TUSC3: variants seen among roughly 807,000 people sequenced by gnomAD.
The protein encoded by TUSC3 is dolichyl-diphosphooligosaccharide--protein glycosyltransferase subunit TUSC3.
In TUSC3, 45 loss-of-function variants were observed where a neutral mutation model predicts 44.8. That is an observed-to-expected ratio of 1.00 (90% CI 0.79 to 1.29). The LOEUF is 1.29. Ranked by LOEUF, TUSC3 falls within the 50% of genes most tolerant of loss-of-function variation. The pLI is 0.00. For missense variants in TUSC3, 519 were observed against 437.9 expected, an observed-to-expected ratio of 1.19 and a Z score of -1.65; for synonymous variants, 212 against 152.9, an observed-to-expected ratio of 1.39 and a Z score of -2.85.
intron 1 of TUSC3, among the ~76,000 whole-genome samples, chr8:15,437,954 G>A (rs750637593): frequency 3.3e-5 from 5 of 152,186 alleles, no homozygotes; most frequent in Admixed American, 6.5e-5. Flanking sequence ...GAAGCAGGCA[G>A]AATAAAAGCT....
the TUSC3 span, among the ~76,000 whole-genome samples, chr8:15,774,229 A>G: frequency 7.4e-6 from 1 of 135,898 alleles, no homozygotes; most frequent in Non-Finnish European, 1.7e-5. Flanking sequence ...TTAAGCGTCA[A>G]ATTTTGTCTC....
the TUSC3 span, among the ~76,000 whole-genome samples, chr8:15,774,891 T>G: frequency 2.6e-5 from 4 of 152,064 alleles, no homozygotes; most frequent in Non-Finnish European, 4.4e-5. Flanking sequence ...TTAAAATGAA[T>G]TGGCCACTTT....
At chr8:15,478,259 C>G (rs1345128979) in intron 1 of TUSC3, among the ~76,000 whole-genome samples, 21 of 152,044 alleles carry the variant, frequency 1.4e-4, no homozygotes, top group Admixed American at 1.4e-3. Context: ...AGTTACCATG[C>G]CTGGCCTTTT....
At chr8:15,474,725 C>CA (rs1563260721) in intron 1 of TUSC3, among the ~76,000 whole-genome samples, 1 of 151,962 alleles carries the variant, frequency 6.6e-6, no homozygotes. Context: ...TTTGAATGTC[C>CA]AAAGAAATAA....
the TUSC3 span, among the ~76,000 whole-genome samples, chr8:15,842,474 G>C: frequency 8.5e-5 from 13 of 152,154 alleles, no homozygotes; most frequent in African/African-American, 2.7e-4. Context: ...TATCCTGACA[G>C]TTAACAAAGG....
At chr8:15,780,475 G>C in the TUSC3 span, among the ~76,000 whole-genome samples, 1 of 152,134 alleles carries the variant, frequency 6.6e-6, no homozygotes, top group African/African-American at 2.4e-5. Flanking sequence ...GTTTTGTATG[G>C]ACACACAAAC....
chr8:15,505,063 G>A (rs1801034984), intron 2 of TUSC3, among the ~76,000 whole-genome samples: 1 of 152,082 alleles, frequency 6.6e-6, no homozygotes, highest in South Asian at 2.1e-4. Context: ...CAAATGGCAG[G>A]AATCTAGAAA....
chr8:15,776,735 G>A, the TUSC3 span, among the ~76,000 whole-genome samples: 1 of 151,960 alleles, frequency 6.6e-6, no homozygotes, highest in Non-Finnish European at 1.5e-5. Flanking sequence ...ATTACCAATT[G>A]TGCTATATTC....
chr8:15,668,804 A>G (rs1807798074), intron 5 of TUSC3, among the ~76,000 whole-genome samples: 1 of 151,802 alleles, frequency 6.6e-6, no homozygotes, highest in South Asian at 2.1e-4. Context: ...CAGAGTTCAA[A>G]AAGAACCATT....
intron 1 of TUSC3, among the ~76,000 whole-genome samples, chr8:15,603,339 A>T (rs574289541): frequency 6.6e-6 from 1 of 151,794 alleles, no homozygotes; most frequent in Non-Finnish European, 1.5e-5. Context: ...CATCCTGGCA[A>T]CAGAATGCAA....
At chr8:15,688,242 C>T (rs975137811) in intron 6 of TUSC3, among the ~76,000 whole-genome samples, 3 of 151,986 alleles carry the variant, frequency 2.0e-5, no homozygotes, top group African/African-American at 7.3e-5. Context: ...TTGAAAAAAG[C>T]GTTTCTCATT....
chr8:15,655,334 G>C (rs10096635), intron 3 of TUSC3, among the ~76,000 whole-genome samples: 4,885 of 152,186 alleles, frequency 0.032, 221 homozygotes, highest in African/African-American at 0.11. Context: ...CTTCCTCGCG[G>C]AACACTCCAC....
At chr8:15,535,197 T>C (rs2129131137) in intron 2 of TUSC3, among the ~76,000 whole-genome samples, 1 of 152,362 alleles carries the variant, frequency 6.6e-6, no homozygotes, top group Admixed American at 6.5e-5. Context: ...AAATTAATTC[T>C]TGTAAAACCA....
chr8:15,442,793 C>G (rs1800038045), intron 1 of TUSC3, among the ~76,000 whole-genome samples: 1 of 152,112 alleles, frequency 6.6e-6, no homozygotes, highest in Admixed American at 6.5e-5. Context: ...TTTAGTCAGG[C>G]TCCTCTGAGT....
intron 4 of TUSC3, among the ~76,000 whole-genome samples, chr8:15,660,823 A>T (rs1807389941): frequency 6.6e-6 from 1 of 151,654 alleles, no homozygotes; most frequent in East Asian, 1.9e-4. Context: ...GTTTCCTTAT[A>T]AGAAATACTA....
At chr8:15,807,192 C>T in the TUSC3 span, 11 of 741,466 alleles carry the variant, frequency 1.5e-5, no homozygotes, top group Non-Finnish European at 2.5e-5. Context: ...AATACGTCAA[C>T]CTTGCATGCT....
At chr8:15,422,239 T>C (rs972844060) in intron 1 of TUSC3, among the ~76,000 whole-genome samples, 1 of 152,238 alleles carries the variant, frequency 6.6e-6, no homozygotes, top group Non-Finnish European at 1.5e-5. Flanking sequence ...GTTTATGATA[T>C]GAAGTAGTAA....
At chr8:15,615,671 A>C (rs1230246021) in intron 1 of TUSC3, among the ~76,000 whole-genome samples, 3 of 152,224 alleles carry the variant, frequency 2.0e-5, no homozygotes, top group Non-Finnish European at 4.4e-5. Context: ...TACATATTCT[A>C]ATTACCCTGA....
At chr8:15,527,199 A>G (rs1311317656) in intron 2 of TUSC3, among the ~76,000 whole-genome samples, 4 of 152,100 alleles carry the variant, frequency 2.6e-5, no homozygotes, top group African/African-American at 9.7e-5. Context: ...ATTCTTTTCT[A>G]TGTGCAGCTT....
Sources: allele counts gnomAD v4.1 joint callset (sites outside exome capture counted in the v4.1 genomes callset), GRCh38; gene constraint gnomAD v4.1.1; transcripts MANE v1.5; gene names NCBI Gene and HGNC (gene_info 2026-07-23, HGNC 2026-07-21).